BIRC6: variants seen among roughly 807,000 people sequenced by gnomAD.
BIRC6 encodes baculoviral IAP repeat containing 6, also known as dual E2 ubiquitin-conjugating enzyme/E3 ubiquitin-protein ligase BIRC6.
A neutral mutation model predicts 503.3 loss-of-function variants in BIRC6; 98 were observed. That is an observed-to-expected ratio of 0.19 (90% CI 0.17 to 0.23). BIRC6 has a LOEUF of 0.23. BIRC6 is among the 10% of genes least tolerant of loss of function. The probability of loss-of-function intolerance (pLI) is 1.00; values close to 1 mark genes in which losing one functional copy is unlikely to be tolerated. For synonymous variants in BIRC6, 2,240 were observed against 2,078.7 expected (o/e 1.08, Z -2.11); for missense variants, 5,360 against 5,806.0 (o/e 0.92, Z 2.50).
intron 32 of BIRC6, 169 bp from the exon 33 acceptor site, chr2:32,472,943 G>C (rs1488503409): frequency 5.3e-6 from 3 of 567,128 alleles, no homozygotes; most frequent in Admixed American, 3.8e-5. Context: ...CAGTTATCCA[G>C]TCTTTATAGA....
intron 12 of BIRC6, among the ~76,000 whole-genome samples, chr2:32,432,447 G>C (rs1192433180): frequency 6.6e-6 from 1 of 151,930 alleles, no homozygotes; most frequent in Non-Finnish European, 1.5e-5. Context: ...AGGTACCTGG[G>C]AGCTGGATCA....
intron 23 of BIRC6, among the ~76,000 whole-genome samples, chr2:32,457,731 G>C (rs889999413): frequency 1.3e-5 from 2 of 151,548 alleles, no homozygotes; most frequent in African/African-American, 4.8e-5. Context: ...TGTTTCTTAG[G>C]TCTGAAAAAT....
At position 32,470,317 on chromosome 2, in the gene BIRC6, A is replaced by C; in HGVS notation, c.6481+16A>C. ...AGGACAGAAGGTATTAAGAGAAAGC[A>C]GTGTTCTTTAGTAAAAACAATATTC... On this transcript the variant is annotated intron_variant, in intron 31 of 73. Transcript: ENST00000421745. 1 of 1,526,856 alleles carries C rather than the reference A, an allele frequency of 6.5e-7. No individual in the cohort carries two copies. The allele number at this position is 1,526,856 out of a possible 1,614,324, so 94.6% of individuals were successfully genotyped here.
At chr2:32,575,439 T>C in intron 66 of BIRC6, 73 bp downstream of exon 66, 1 of 1,439,748 alleles carries the variant, frequency 6.9e-7, no homozygotes, top group Non-Finnish European at 9.7e-7. Context: ...ATGGGTGTTT[T>C]TGTTTTTCAG....
At chr2:32,402,653 CTG>C (rs1016592180) in intron 8 of BIRC6, among the ~76,000 whole-genome samples, 1 of 152,186 alleles carries the variant, frequency 6.6e-6, no homozygotes, top group Non-Finnish European at 1.5e-5. Flanking sequence ...ATATAAATCT[CTG>C]TGAAAGCTTA....
At chr2:32,543,205 G>A (rs747657676) in intron 61 of BIRC6, 36 bp from the exon 62 acceptor site, 1 of 1,585,180 alleles carries the variant, frequency 6.3e-7, no homozygotes, top group South Asian at 1.1e-5. Flanking sequence ...TGTTGAAAAT[G>A]TGAATGGCCA....
chr2:32,502,833 G>T lies in BIRC6; in HGVS notation c.9246G>T (p.Leu3082Phe), dbSNP rs745714252. 1 of 1,612,862 alleles carries T rather than the reference G, an allele frequency of 6.2e-7. No homozygotes were observed. The highest frequency in any genetic ancestry group is 8.5e-7 in the Non-Finnish European group (1 of 1,179,538). Residue 3082 changes from leucine (L) to phenylalanine (F), a missense_variant, in exon 48 of 74, where the codon TTG becomes TTT. Physicochemically the swap from Leu to Phe is conservative, Grantham distance 22. Around this residue, in one of 16 missense-constraint regions of BIRC6, gnomAD observed 267 missense variants for 287.6 expected, o/e 0.93. Coordinates refer to ENST00000421745, the MANE Select transcript of BIRC6 (RefSeq NM_016252.4). ...LATCQLSEPL[L>F]WFILRVLDTS... ...CTTGCCAGTTATCTGAGCCATTATT[G>T]TGGTTCATTTTGAGAGTATTGGATA... is the stretch of plus-strand genomic sequence containing the variant.
chr2:32,393,433 C>G (rs539673150), intron 5 of BIRC6, among the ~76,000 whole-genome samples: 160 of 152,270 alleles, frequency 1.1e-3, no homozygotes, highest in Middle Eastern at 3.4e-3. Context: ...GAGTGGCTTA[C>G]CACTGTTACC....
chr2:32,415,226 C>A lies in BIRC6; in HGVS notation c.1935C>A (p.Ile645=). 1 of 1,613,898 alleles carries A rather than the reference C, an allele frequency of 6.2e-7. No individual in the cohort carries two copies. Among genetic ancestry groups the A allele is most frequent in the Non-Finnish European group, 8.5e-7 (1 of 1,179,816 alleles). Residue 645 remains isoleucine, a synonymous_variant, in exon 10 of 74, where the codon ATC becomes ATA. Coordinates refer to ENST00000421745, the MANE Select transcript of BIRC6 (RefSeq NM_016252.4). Reference sequence around the variant, plus strand: ...AATCTGATGAGAAAGCAGGAAAGATCTTTTCACAGATGAACAATATTATGA... The same window carrying A: ...AATCTGATGAGAAAGCAGGAAAGATATTTTCACAGATGAACAATATTATGA... The part of the protein sequence containing the change: ...IKESDEKAGK[I]FSQMNNIMSK...
chr2:32,472,676 A>G (rs1008817444), intron 32 of BIRC6, among the ~76,000 whole-genome samples: 2 of 152,196 alleles, frequency 1.3e-5, no homozygotes, highest in African/African-American at 4.8e-5. Context: ...TTAGACAGTT[A>G]TGCGTTCTGA....
intron 22 of BIRC6, among the ~76,000 whole-genome samples, chr2:32,452,462 C>A (rs2046830168): frequency 6.6e-6 from 1 of 152,026 alleles, no homozygotes; most frequent in African/African-American, 2.4e-5. Flanking sequence ...CTTCAGGGTG[C>A]TTAATATTTT....
At chr2:32,491,265 G>A (rs988461238) in intron 43 of BIRC6, among the ~76,000 whole-genome samples, 160 bp from the exon 44 acceptor site, 3 of 152,226 alleles carry the variant, frequency 2.0e-5, no homozygotes, top group East Asian at 1.9e-4. Context: ...AGAGAGGGAA[G>A]TCCTGCTTAG....
At chr2:32,394,888 C>T (rs1315979344) in intron 5 of BIRC6, among the ~76,000 whole-genome samples, 3 of 152,116 alleles carry the variant, frequency 2.0e-5, no homozygotes, top group South Asian at 2.1e-4. Flanking sequence ...GCAGGGCTCA[C>T]GCCTGTAATT....
intron 55 of BIRC6, among the ~76,000 whole-genome samples, chr2:32,516,593 CAA>C (rs370418768): frequency 1.5e-5 from 2 of 135,834 alleles, no homozygotes. Context: ...GACTCCATCT[CAA>C]AAAAAAAAAA....
intron 63 of BIRC6, among the ~76,000 whole-genome samples, chr2:32,546,334 C>T (rs2058050656): frequency 6.6e-6 from 1 of 152,056 alleles, no homozygotes; most frequent in South Asian, 2.1e-4. Flanking sequence ...AATCCCAGCA[C>T]TTTGGGAGGT....
chr2:32,585,000 A>G (rs1172010561), intron 66 of BIRC6, among the ~76,000 whole-genome samples: 1 of 152,124 alleles, frequency 6.6e-6, no homozygotes, highest in African/African-American at 2.4e-5. Context: ...TCTATCCCCA[A>G]AGCCTTAGAT....
intron 1 of BIRC6, among the ~76,000 whole-genome samples, chr2:32,362,312 G>A (rs190183867): frequency 6.6e-6 from 1 of 150,656 alleles, no homozygotes; most frequent in Non-Finnish European, 1.5e-5. Context: ...TTTATTTGCT[G>A]ACTTTGTTTT....
chr2:32,417,341 G>C (rs774367535), intron 10 of BIRC6, among the ~76,000 whole-genome samples: 18 of 151,606 alleles, frequency 1.2e-4, no homozygotes, highest in African/African-American at 3.9e-4. Flanking sequence ...ATGGGATTTC[G>C]CCATGTTGCT....
intron 10 of BIRC6, among the ~76,000 whole-genome samples, chr2:32,420,260 T>C (rs2042796510): frequency 6.6e-6 from 1 of 152,200 alleles, no homozygotes; most frequent in Non-Finnish European, 1.5e-5. Flanking sequence ...TCTTCAATTT[T>C]GTGGTAAAGT....
Sources: allele counts gnomAD v4.1 joint callset (sites outside exome capture counted in the v4.1 genomes callset), GRCh38; gene constraint gnomAD v4.1.1; regional missense constraint gnomAD v4.1.1; transcripts MANE v1.5; gene names NCBI Gene and HGNC (gene_info 2026-07-23, HGNC 2026-07-21).